PKIB: variants seen among roughly 807,000 people sequenced by gnomAD.
PKIB encodes the protein PKI-beta.
PKIB carries 2 observed loss-of-function variants against 4.5 expected under a neutral mutation model. That is an observed-to-expected ratio of 0.44 (90% CI 0.18 to 1.39). PKIB has a LOEUF of 1.39. PKIB is among the 40% of genes most tolerant of loss of function. PKIB has a pLI of 0.27. For synonymous variants in PKIB, 38 were observed against 36.0 expected (o/e 1.06, Z -0.20); for missense variants, 94 against 92.6 (o/e 1.02, Z -0.06).
intron 2 of PKIB, chr6:122,479,362 A>G (rs748330716): frequency 2.6e-5 from 4 of 152,208 alleles, no homozygotes; most frequent in Non-Finnish European, 5.9e-5. Flanking sequence ...GTTTTGAGGC[A>G]CTAAGAATCA....
At chr6:122,693,221 C>T (rs1051735326) in intron 3 of PKIB, among the ~76,000 whole-genome samples, 2 of 152,182 alleles carry the variant, frequency 1.3e-5, no homozygotes, top group African/African-American at 2.4e-5. Flanking sequence ...TCTGAAACTT[C>T]AGTACTCTAG....
At chr6:122,688,312 C>T (rs1017357202) in intron 3 of PKIB, among the ~76,000 whole-genome samples, 7 of 152,126 alleles carry the variant, frequency 4.6e-5, no homozygotes, top group Non-Finnish European at 1.0e-4. Context: ...CCCAGTTGGT[C>T]ATGATGAATG....
chr6:122,685,815 T>G (rs977318448), intron 3 of PKIB, among the ~76,000 whole-genome samples: 6 of 152,174 alleles, frequency 3.9e-5, no homozygotes, highest in Admixed American at 2.0e-4. Context: ...CATGATCCCC[T>G]TCCCAGCCTC....
At chr6:122,597,605 C>T (rs957315752) in intron 3 of PKIB, among the ~76,000 whole-genome samples, 6 of 152,196 alleles carry the variant, frequency 3.9e-5, no homozygotes, top group African/African-American at 1.2e-4. Context: ...AATCACCACA[C>T]CTGTGTCTTT....
Position 122,653,844 on chromosome 6 carries a change from A to G in PKIB, c.-76+20477A>G, listed in dbSNP as rs113488989. ...GGCATGGTGACGCACTGTAGTCCCA[A>G]CTACTCGGAAGGCTGAGGCAGGAGA... On this transcript the variant is annotated intron_variant, in intron 2 of 4. Coordinates refer to ENST00000368452, the MANE Select transcript of PKIB (RefSeq NM_181795.3). 3.8e-3 allele frequency among the ~76,000 whole-genome samples: 584 copies of G among 152,106 alleles called. 2 individuals carry two copies. The highest frequency in any genetic ancestry group is 0.013 in the African/African-American group (543 of 41,520).
intron 1 of PKIB, among the ~76,000 whole-genome samples, chr6:122,624,558 A>C (rs1015503769): frequency 2.6e-5 from 4 of 152,226 alleles, no homozygotes; most frequent in African/African-American, 9.6e-5. Flanking sequence ...CATATTTCTT[A>C]GAGCTTTGAG....
At chr6:122,543,781 T>C (rs921852448) in intron 2 of PKIB, among the ~76,000 whole-genome samples, 2 of 152,010 alleles carry the variant, frequency 1.3e-5, no homozygotes, top group African/African-American at 4.8e-5. Context: ...CGATCTGCTG[T>C]ATACGAACTG....
intron 2 of PKIB, among the ~76,000 whole-genome samples, chr6:122,568,804 C>T (rs556812381): frequency 6.6e-6 from 1 of 152,146 alleles, no homozygotes; most frequent in South Asian, 2.1e-4. Flanking sequence ...GGTGCCCAGC[C>T]TTGTAGAGAG....
chr6:122,692,230 A>G (rs1330803544), intron 3 of PKIB, among the ~76,000 whole-genome samples: 1 of 152,228 alleles, frequency 6.6e-6, no homozygotes, highest in Non-Finnish European at 1.5e-5. Context: ...CTAGGGCTCT[A>G]CGATCAGCCA....
intron 2 of PKIB, among the ~76,000 whole-genome samples, chr6:122,551,324 A>T (rs1488265547): frequency 6.6e-6 from 1 of 151,516 alleles, no homozygotes; most frequent in East Asian, 1.9e-4. Flanking sequence ...TTGTCTTTGC[A>T]CTTTAATTAC....
intron 2 of PKIB, among the ~76,000 whole-genome samples, chr6:122,641,327 C>T (rs1485819684): frequency 6.6e-6 from 1 of 152,096 alleles, no homozygotes; most frequent in Non-Finnish European, 1.5e-5. Flanking sequence ...CTATTCACAT[C>T]TAGTGGCCTT....
chr6:122,533,376 C>T (rs545692840), intron 2 of PKIB, among the ~76,000 whole-genome samples: 1 of 152,170 alleles, frequency 6.6e-6, no homozygotes, highest in South Asian at 2.1e-4. Flanking sequence ...TGCTATGTTG[C>T]CCAGGCTTGT....
intron 3 of PKIB, among the ~76,000 whole-genome samples, chr6:122,591,220 C>CACACACA (rs1554222348): frequency 1.4e-4 from 20 of 142,810 alleles, no homozygotes; most frequent in African/African-American, 3.1e-4. Context: ...ACACACACAC[C>CACACACA]CCCCACATAC....
At chr6:122,524,692 G>C (rs1777046871) in intron 2 of PKIB, among the ~76,000 whole-genome samples, 1 of 151,938 alleles carries the variant, frequency 6.6e-6, no homozygotes, top group Non-Finnish European at 1.5e-5. Flanking sequence ...ATTTCTTCAT[G>C]AGTCAGTCTT....
intron 2 of PKIB, among the ~76,000 whole-genome samples, chr6:122,531,951 T>A (rs990201294): frequency 1.3e-5 from 2 of 152,202 alleles, no homozygotes; most frequent in African/African-American, 4.8e-5. Context: ...TGATGCAATG[T>A]TACTTGACTT....
At chr6:122,617,614 T>G (rs1488495361) in intron 1 of PKIB, among the ~76,000 whole-genome samples, 2 of 152,188 alleles carry the variant, frequency 1.3e-5, no homozygotes, top group African/African-American at 2.4e-5. Context: ...CCCAACTTGA[T>G]GAAAACTTTT....
At chr6:122,582,469 C>A (rs1231714984) in intron 2 of PKIB, among the ~76,000 whole-genome samples, 1 of 152,088 alleles carries the variant, frequency 6.6e-6, no homozygotes, top group African/African-American at 2.4e-5. Context: ...TGACATTAAA[C>A]ATTTCTGAAT....
chr6:122,568,552 G>A (rs1311872246), intron 2 of PKIB, among the ~76,000 whole-genome samples: 2 of 152,206 alleles, frequency 1.3e-5, no homozygotes, highest in African/African-American at 2.4e-5. Context: ...GTAGCAGGAA[G>A]TGCCTTGCAA....
intron 2 of PKIB, among the ~76,000 whole-genome samples, chr6:122,542,087 A>AT (rs1006497015): frequency 1.3e-5 from 2 of 150,726 alleles, no homozygotes; most frequent in African/African-American, 4.9e-5. Flanking sequence ...CATTTGTCTA[A>AT]TTTTTTTTCA....
Sources: gnomAD v4.1 joint callset for allele counts (sites outside exome capture counted in the v4.1 genomes callset) on GRCh38, gnomAD v4.1.1 for gene constraint, MANE v1.5 for transcripts, NCBI Gene and HGNC (gene_info 2026-07-23, HGNC 2026-07-21) for gene names.